The following CACNA2D1 variants were observed in gnomAD, a reference collection of about 807,000 sequenced individuals.
CACNA2D1 encodes calcium voltage-gated channel auxiliary subunit alpha2delta 1, also known as voltage-dependent calcium channel subunit alpha-2/delta-1.
A neutral mutation model predicts 171.5 loss-of-function variants in CACNA2D1; 53 were observed. The ratio of observed to expected loss-of-function variants is 0.31; its 90% CI spans 0.25 to 0.39. The LOEUF (loss-of-function observed/expected upper bound fraction) is 0.39, where lower values mean the gene tolerates loss of function less well. CACNA2D1 is among the 10% of genes least tolerant of loss of function. The pLI, the probability that CACNA2D1 is intolerant of heterozygous loss-of-function variation, is 1.00. For missense variants in CACNA2D1, 903 were observed against 1,299.8 expected, an observed-to-expected ratio of 0.69 and a Z score of 4.69; for synonymous variants, 442 against 443.1, an observed-to-expected ratio of 1.00 and a Z score of 0.03.
chr7:82,155,035 A>G (rs921623786), intron 4 of CACNA2D1, among the ~76,000 whole-genome samples: 4 of 151,900 alleles, frequency 2.6e-5, no homozygotes, highest in South Asian at 2.1e-4. Context: ...CTGGTTGTGT[A>G]AAGTGTGTGG....
At chr7:82,246,774 G>T (rs1804975124) in intron 3 of CACNA2D1, among the ~76,000 whole-genome samples, 1 of 152,194 alleles carries the variant, frequency 6.6e-6, no homozygotes, top group South Asian at 2.1e-4. Context: ...ATATTTGGCT[G>T]ATGATATAGA....
intron 3 of CACNA2D1, among the ~76,000 whole-genome samples, chr7:82,329,538 A>T (rs930654236): frequency 6.6e-6 from 1 of 152,146 alleles, no homozygotes; most frequent in African/African-American, 2.4e-5. Flanking sequence ...AGAAGGCCGC[A>T]TTGGAGGTTG....
chr7:82,060,362 C>A, intron 10 of CACNA2D1, 66 bp downstream of exon 10: 1 of 1,037,904 alleles, frequency 9.6e-7, no homozygotes, highest in African/African-American at 1.6e-5. Context: ...GTATAAAGTA[C>A]CTAAAGTCAG....
rs1454035262 is a variant in CACNA2D1, at chr7:81,947,020, A to T, written c.*3372T>A. The T allele has an allele frequency of 1.3e-5, 2 of 152,040 alleles. No individual in the cohort carries two copies. The highest frequency in any genetic ancestry group is 2.1e-4 in the South Asian group (1 of 4,832). The allele number at this position is 152,040 out of a possible 1,614,324, so 9.4% of individuals were successfully genotyped here. A position where few individuals can be genotyped will look rare whatever the true frequency, so the allele number is the denominator to read the frequency against. On this transcript the variant is annotated 3_prime_UTR_variant, in exon 39 of 39. Transcript: ENST00000356860. ...AAATAGTTATTTCATTCTATTCTTT[A>T]AAAAAAGTAACAACATCCATTTTGT...
At chr7:82,146,983 C>A (rs35046482) in intron 4 of CACNA2D1, among the ~76,000 whole-genome samples, 62 of 25,464 alleles carry the variant, frequency 2.4e-3, no homozygotes, top group African/African-American at 4.6e-3. Flanking sequence ...ACTCCCATCT[C>A]AAAAAAAAAA....
At chr7:81,958,461 A>G (rs994879686) in intron 38 of CACNA2D1, among the ~76,000 whole-genome samples, 3 of 152,048 alleles carry the variant, frequency 2.0e-5, no homozygotes, top group African/African-American at 7.2e-5. Flanking sequence ...AAAGAGGTAG[A>G]CAGAGATTTT....
intron 3 of CACNA2D1, among the ~76,000 whole-genome samples, chr7:82,242,756 G>A (rs937325976): frequency 2.3e-4 from 35 of 152,014 alleles, no homozygotes; most frequent in African/African-American, 8.4e-4. Flanking sequence ...TGATTTGTTT[G>A]TTGTCTATTA....
At chr7:81,970,072 A>G (rs1795107401) in intron 27 of CACNA2D1, 88 bp from the exon 28 acceptor site, 1 of 797,722 alleles carries the variant, frequency 1.3e-6, no homozygotes, top group Non-Finnish European at 2.3e-6. Context: ...CTTTACAGAT[A>G]CGCCTACATC....
chr7:82,407,748 T>C (rs1229259033), intron 1 of CACNA2D1, among the ~76,000 whole-genome samples: 1 of 152,162 alleles, frequency 6.6e-6, no homozygotes, highest in Non-Finnish European at 1.5e-5. Flanking sequence ...AATGCAACTC[T>C]ATTCCTGGGG....
At chr7:82,322,034 G>A (rs1369242347) in intron 3 of CACNA2D1, among the ~76,000 whole-genome samples, 5 of 141,842 alleles carry the variant, frequency 3.5e-5, no homozygotes, top group Non-Finnish European at 1.5e-5. Flanking sequence ...GCTGAGGCAG[G>A]AGAATGGCGT....
chr7:81,968,918 T>G lies in CACNA2D1; in HGVS notation c.2364A>C (p.Ile788=). 1 of 1,589,442 alleles carries G rather than the reference T, an allele frequency of 6.3e-7. No homozygotes were observed. The highest frequency in any genetic ancestry group is 8.6e-7 in the Non-Finnish European group (1 of 1,159,278). The change falls in exon 29 of 39, where the codon ATA becomes ATC. Residue 788 remains isoleucine (I), a synonymous_variant. Coordinates refer to ENST00000356860, the MANE Select transcript of CACNA2D1 (RefSeq NM_000722.4). ...SGIMVSKAVE[I]YIQGKLLKPA... The stretch of plus-strand genomic sequence containing the variant: ...GTTTAAGAAGTTTCCCTTGAATATA[T>G]ATTTCTACAGCTTTGCTTACCATAA...
At chr7:82,010,651 C>T (rs1413452615) in intron 15 of CACNA2D1, among the ~76,000 whole-genome samples, 1 of 152,142 alleles carries the variant, frequency 6.6e-6, no homozygotes, top group Non-Finnish European at 1.5e-5. Flanking sequence ...CTAAAAGGAA[C>T]ACTGGACAGT....
intron 3 of CACNA2D1, among the ~76,000 whole-genome samples, chr7:82,181,170 T>C (rs921609080): frequency 6.8e-6 from 1 of 147,252 alleles, no homozygotes; most frequent in Non-Finnish European, 1.5e-5. Context: ...GGGGTATTAC[T>C]GGGTTTGAAA....
At chr7:82,148,320 G>T (rs1324145406) in intron 4 of CACNA2D1, among the ~76,000 whole-genome samples, 1 of 146,580 alleles carries the variant, frequency 6.8e-6, no homozygotes, top group Non-Finnish European at 1.5e-5. Flanking sequence ...ATGAGGCATA[G>T]TTAGAAAAAA....
intron 16 of CACNA2D1, among the ~76,000 whole-genome samples, chr7:82,006,540 A>G (rs1194003130): frequency 1.3e-5 from 2 of 152,118 alleles, no homozygotes; most frequent in East Asian, 1.9e-4. Context: ...TTATAAAATA[A>G]TAAGCAAAAA....
intron 24 of CACNA2D1, among the ~76,000 whole-genome samples, chr7:81,974,817 A>G (rs907365079): frequency 2.0e-5 from 3 of 152,002 alleles, no homozygotes; most frequent in Middle Eastern, 3.4e-3. Context: ...TTATCATTGT[A>G]TATCTTAGAT....
intron 4 of CACNA2D1, among the ~76,000 whole-genome samples, chr7:82,156,705 T>A (rs998622448): frequency 3.3e-5 from 5 of 152,016 alleles, no homozygotes; most frequent in Non-Finnish European, 7.4e-5. Context: ...AACGTTTTTT[T>A]AAATCTTTTT....
chr7:82,123,901 G>A (rs1446975969), intron 5 of CACNA2D1, among the ~76,000 whole-genome samples: 3 of 151,990 alleles, frequency 2.0e-5, no homozygotes, highest in Non-Finnish European at 4.4e-5. Flanking sequence ...CCACTTAGTA[G>A]AGAATAAGCA....
At chr7:82,052,191 T>A (rs895988708) in intron 10 of CACNA2D1, among the ~76,000 whole-genome samples, 1 of 152,154 alleles carries the variant, frequency 6.6e-6, no homozygotes, top group Non-Finnish European at 1.5e-5. Context: ...TAAAGAGAAA[T>A]GCATGAGGTC....
Sources: allele counts gnomAD v4.1 joint callset (sites outside exome capture counted in the v4.1 genomes callset), GRCh38; gene constraint gnomAD v4.1.1; transcripts MANE v1.5; gene names NCBI Gene and HGNC (gene_info 2026-07-23, HGNC 2026-07-21).